NCOR2: variants seen among roughly 807,000 people sequenced by gnomAD.
The protein encoded by NCOR2 is CTG repeat protein 26.
NCOR2 carries 81 observed loss-of-function variants against 262.9 expected under a neutral mutation model. The observed-to-expected ratio is 0.31, with a 90% CI of 0.26 to 0.37. NCOR2 has a LOEUF of 0.37. Ranked by LOEUF, NCOR2 falls within the 10% of genes least tolerant of loss-of-function variation. The probability of loss-of-function intolerance (pLI) is 1.00; values close to 1 mark genes in which losing one functional copy is unlikely to be tolerated. For missense variants in NCOR2, 3,385 were observed against 3,621.4 expected (o/e 0.93, Z 1.68); for synonymous variants, 1,659 against 1,559.3 (o/e 1.06, Z -1.51).
At chr12:124,394,839 A>G (rs1249356971) in intron 16 of NCOR2, among the ~76,000 whole-genome samples, 1 of 152,190 alleles carries the variant, frequency 6.6e-6, no homozygotes, top group Non-Finnish European at 1.5e-5. Flanking sequence ...AGCCACAGGA[A>G]ACATACAGTG....
exon 20 of NCOR2, chr12:124,372,339 C>T: frequency 3.3e-6 from 5 of 1,518,792 alleles, no homozygotes; most frequent in South Asian, 1.3e-5. Flanking sequence ...CTGCTGCGGT[C>T]TCCTCCTCCT....
At chr12:124,429,470 C>T (rs763330301) in intron 10 of NCOR2, 143 bp downstream of exon 12, 27 of 821,328 alleles carry the variant, frequency 3.3e-5, no homozygotes, top group Non-Finnish European at 5.3e-5. Context: ...TACCTCAATA[C>T]CCACCTTGAT....
intron 7 of NCOR2, among the ~76,000 whole-genome samples, chr12:124,442,945 G>T (rs2044909278): frequency 6.6e-6 from 1 of 152,314 alleles, no homozygotes; most frequent in East Asian, 1.9e-4. Context: ...CAAAAGACGG[G>T]AGTGACGCAT....
At chr12:124,492,320 C>T (rs1406877820) in intron 1 of NCOR2, among the ~76,000 whole-genome samples, 1 of 152,176 alleles carries the variant, frequency 6.6e-6, no homozygotes, top group Non-Finnish European at 1.5e-5. Flanking sequence ...AAACTGAGGC[C>T]GTTCCACGTG....
At chr12:124,434,259 G>C (rs1050357094) in intron 8 of NCOR2, among the ~76,000 whole-genome samples, 1 of 152,144 alleles carries the variant, frequency 6.6e-6, no homozygotes, top group Non-Finnish European at 1.5e-5. Context: ...AGGCACATCA[G>C]AGTTCTCGGC....
chr12:124,408,842 C>T (rs774588084), intron 13 of NCOR2, among the ~76,000 whole-genome samples: 1 of 152,192 alleles, frequency 6.6e-6, no homozygotes, highest in Non-Finnish European at 1.5e-5. Flanking sequence ...CATGGAGCTA[C>T]GAAGTCATCC....
Position 124,356,785 on chromosome 12 carries a change from G to A in NCOR2, c.3101-3C>T. On this transcript the variant is annotated splice_polypyrimidine_tract_variant and splice_region_variant and intron_variant, in intron 22 of 46. Coordinates refer to ENST00000405201, the Ensembl canonical transcript of NCOR2. ...CTTCTGGGCCTCGGCTGCGAAGGCTGGGAAGAACACAGGCTTCTCTGCTGA... is the reference window on the plus strand; with the variant it reads ...CTTCTGGGCCTCGGCTGCGAAGGCTAGGAAGAACACAGGCTTCTCTGCTGA... 2 of 1,470,382 alleles carry A rather than the reference G, an allele frequency of 1.4e-6. No homozygotes were observed. The highest frequency in any genetic ancestry group is 1.8e-6 in the Non-Finnish European group (2 of 1,120,112). 91.1% of individuals were successfully genotyped at this position (1,470,382 alleles called of 1,614,324 possible).
chr12:124,389,949 G>A lies in NCOR2; in HGVS notation c.1877-4062C>T, dbSNP rs970075025. Among the ~76,000 whole-genome samples, 2 of 152,250 alleles carry A rather than the reference G, an allele frequency of 1.3e-5. No individual in the cohort carries two copies. Among genetic ancestry groups the A allele is most frequent in the Admixed American group, 6.5e-5 (1 of 15,296 alleles). ...TGGATCCTAGATTCAGGTCACGACC[G>A]ACTTCCCTGACTCTGGGATCATTAA... On this transcript the variant is annotated intron_variant, in intron 16 of 46. Coordinates refer to ENST00000405201, the Ensembl canonical transcript of NCOR2. The surrounding 1 kb of genome is among the most constrained non-coding windows in gnomAD (Gnocchi z 4.4).
upstream of NCOR2, chr12:124,495,390 AAAAC>A: frequency 2.1e-6 from 3 of 1,432,154 alleles, no homozygotes; most frequent in South Asian, 2.9e-5. The surrounding 1 kb of genome is among the most constrained non-coding windows in gnomAD (Gnocchi z 4.4). Context: ...CAAGAAAAGA[AAAAC>A]AAGATCAGCC....
chr12:124,436,894 C>T (rs1480242389), intron 8 of NCOR2, among the ~76,000 whole-genome samples: 1 of 152,120 alleles, frequency 6.6e-6, no homozygotes, highest in Non-Finnish European at 1.5e-5. Flanking sequence ...TCAAGACCAG[C>T]CTGGTCAATG....
At chr12:124,554,475 CCT>C (rs920437961) in intron 1 of NCOR2, among the ~76,000 whole-genome samples, 1 of 152,194 alleles carries the variant, frequency 6.6e-6, no homozygotes, top group Non-Finnish European at 1.5e-5. Context: ...ACTCAACTCC[CCT>C]CTCTCCAAGG....
intron 1 of NCOR2, among the ~76,000 whole-genome samples, chr12:124,516,303 G>A (rs982508072): frequency 6.6e-6 from 1 of 152,190 alleles, no homozygotes; most frequent in African/African-American, 2.4e-5. Context: ...GCCACACCAG[G>A]CACTGTGGGG....
intron 11 of NCOR2, among the ~76,000 whole-genome samples, chr12:124,422,961 A>G (rs2043308377): frequency 6.6e-6 from 1 of 152,062 alleles, no homozygotes; most frequent in East Asian, 1.9e-4. Flanking sequence ...GCTTGGGAAC[A>G]TGGCAGGGCC....
chr12:124,348,296 T>C, exon 29 of NCOR2: 1 of 1,611,214 alleles, frequency 6.2e-7, no homozygotes, highest in Non-Finnish European at 8.5e-7. Context: ...CTTGGAGCAC[T>C]GGGTCACAGA....
intron 13 of NCOR2, among the ~76,000 whole-genome samples, chr12:124,403,885 G>A (rs565664041): frequency 8.5e-5 from 13 of 152,256 alleles, no homozygotes; most frequent in Non-Finnish European, 1.8e-4. Context: ...GCAGAGCCTC[G>A]GGCCTGCATC....
rs1240642999 is a variant in NCOR2, at chr12:124,422,566, A to G, written c.1329-11T>C. 6.2e-7 allele frequency: 1 copy of G among 1,613,706 alleles called. No individual in the cohort carries two copies. The highest frequency in any genetic ancestry group is 1.7e-5 in the Admixed American group (1 of 60,000). On this transcript the variant is annotated splice_polypyrimidine_tract_variant and intron_variant, in intron 11 of 46. Transcript: ENST00000405201. ...GGATGCTGCATGAACCTGCGGGACG[A>G]GAAGGGTGGGCGTGAGACCTGGCCG...
At chr12:124,343,667 C>T (rs953143103) in intron 32 of NCOR2, among the ~76,000 whole-genome samples, 2 of 151,930 alleles carry the variant, frequency 1.3e-5, no homozygotes, top group African/African-American at 4.8e-5. Flanking sequence ...ACTCTTGTTG[C>T]CCAGGCTGGA....
Position 124,378,727 on chromosome 12 carries a change from T to C in NCOR2, c.2020-343A>G, listed in dbSNP as rs2040199615. The stretch of plus-strand genomic sequence containing the variant: ...CGCCTCCTGGGGACACCCTGTCAGC[T>C]TCATCGGCACACGTGGAGTGAATGA... On this transcript the variant is annotated intron_variant, in intron 17 of 46. Coordinates refer to ENST00000405201, the Ensembl canonical transcript of NCOR2. This position sits in a 1 kb window ranked among gnomAD's most constrained non-coding sequence, Gnocchi z 4.2. Among the ~76,000 whole-genome samples the C allele has an allele frequency of 6.6e-6, 1 of 152,192 alleles. No individual in the cohort carries two copies. The highest frequency in any genetic ancestry group is 2.1e-4 in the South Asian group (1 of 4,828).
chr12:124,493,222 G>A (rs2048190299), intron 1 of NCOR2, among the ~76,000 whole-genome samples: 1 of 152,226 alleles, frequency 6.6e-6, no homozygotes, highest in African/African-American at 2.4e-5. Flanking sequence ...ACAGCAGCCT[G>A]AGGACTCCCC....
Sources: gnomAD v4.1 joint callset for allele counts (sites outside exome capture counted in the v4.1 genomes callset) on GRCh38, gnomAD v4.1.1 for gene constraint, Gnocchi (gnomAD v3.1) non-coding constraint, MANE v1.5 for transcripts, NCBI Gene and HGNC (gene_info 2026-07-23, HGNC 2026-07-21) for gene names.